Variants in BTF3 observed in about 807,000 individuals in gnomAD.
The protein encoded by BTF3 is transcription factor BTF3.
In BTF3, 12 loss-of-function variants were observed where a neutral mutation model predicts 23.9. The observed-to-expected ratio is 0.50, with a 90% confidence interval of 0.32 to 0.81. BTF3 has a LOEUF of 0.81. BTF3 is among the 40% of genes least tolerant of loss of function. The pLI is 0.03. For missense variants in BTF3, 215 were observed against 255.9 expected (o/e 0.84, Z 1.09); for synonymous variants, 96 against 94.8 (o/e 1.01, Z -0.07).
rs1241551421 is a variant in BTF3 at position 73,504,516 on chromosome 5, TCTTA to T, written c.574+118_574+121del. ...GGTGGTAAGTTAAGATGGACATAGA[TCTTA>T]CTTAGAATGAGAAAAATAATGCAGT... On this transcript the variant is annotated intron_variant, in intron 5 of 5. Coordinates refer to ENST00000380591, the MANE Select transcript of BTF3 (RefSeq NM_001037637.2). The T allele has an allele frequency of 8.9e-5, 65 of 727,670 alleles. No individual in the cohort carries two copies. In the African/African-American group the frequency reaches 9.7e-4, roughly 11 times the overall value. The allele number at this position is 727,670 out of a possible 1,614,324, so 45.1% of individuals were successfully genotyped here.
intron 4 of BTF3, 27 bp downstream of exon 4, chr5:73,503,144 A>G (rs931683221): frequency 1.9e-6 from 3 of 1,605,810 alleles, no homozygotes; most frequent in Middle Eastern, 1.9e-4. Flanking sequence ...TGGTTTTACC[A>G]GGGAATTACT....
Position 73,499,127 on chromosome 5 carries a change from T to C in BTF3, c.133-7T>C. ...CTATCCTTGCTGAGGATTTCCTCTTTTTCTAGATGAAAGAAACAATCATGA... is the reference window on the plus strand; with the variant it reads ...CTATCCTTGCTGAGGATTTCCTCTTCTTCTAGATGAAAGAAACAATCATGA... On this transcript the variant is annotated splice_polypyrimidine_tract_variant and splice_region_variant and intron_variant, in intron 1 of 5. Coordinates refer to ENST00000380591, the MANE Select transcript of BTF3 (RefSeq NM_001037637.2). 2 of 1,606,392 alleles carry C rather than the reference T, an allele frequency of 1.2e-6. No individual in the cohort carries two copies. The highest frequency in any genetic ancestry group is 1.7e-6 in the Non-Finnish European group (2 of 1,178,344).
intron 4 of BTF3, 47 bp from the exon 5 acceptor site, chr5:73,504,294 GTGAATA>G: frequency 5.3e-5 from 10 of 188,044 alleles, no homozygotes; most frequent in Non-Finnish European, 8.4e-5. Context: ...TTTTTTTTTG[GTGAATA>G]TTTATTAAAA....
intron 5 of BTF3, 172 bp downstream of exon 5, chr5:73,504,575 C>G: frequency 2.0e-6 from 1 of 488,956 alleles, no homozygotes; most frequent in Non-Finnish European, 3.6e-6. Context: ...TGTTTATAGA[C>G]TTGACTTGGC....
In BTF3 at chr5:73,499,227, T is replaced by TG. The variant is rs560519985; in HGVS notation, c.201+28dup. On this transcript the variant is annotated intron_variant, in intron 2 of 5. Transcript: ENST00000380591. Reference sequence around the variant, plus strand: ...AGTAAGTTTTAATAGTTCGGGTTTGTGGGTTTTTTTTTTAAGGTTTAGGTA... The same window carrying TG: ...AGTAAGTTTTAATAGTTCGGGTTTGTGGGGTTTTTTTTTTAAGGTTTAGGTA... The TG allele has an allele frequency of 1.6e-3, 2,522 of 1,599,044 alleles. 25 individuals carry two copies. In the African/African-American group the frequency reaches 0.033, roughly 21 times the overall value.
chr5:73,498,803 C>T lies in BTF3; in HGVS notation c.132+4C>T. On this transcript the variant is annotated splice_donor_region_variant and intron_variant, in intron 1 of 5. Coordinates refer to ENST00000380591, the MANE Select transcript of BTF3 (RefSeq NM_001037637.2). ...AACCCGAGGACAGGAGCCTCAGGTACCGCGAGGCTTGCGGAGAGTGGCCGG... is the reference window on the plus strand; with the variant it reads ...AACCCGAGGACAGGAGCCTCAGGTATCGCGAGGCTTGCGGAGAGTGGCCGG... 1 of 1,506,594 alleles carries T rather than the reference C, an allele frequency of 6.6e-7. No individual in the cohort carries two copies. Among genetic ancestry groups the T allele is most frequent in the Non-Finnish European group, 8.8e-7 (1 of 1,137,162 alleles). The allele number at this position is 1,506,594 out of a possible 1,614,324, so 93.3% of individuals were successfully genotyped here. A position where few individuals can be genotyped will look rare whatever the true frequency, so the allele number is the denominator to read the frequency against.
intron 3 of BTF3, 95 bp from the exon 4 acceptor site, chr5:73,502,821 G>A (rs1010156541): frequency 3.7e-5 from 48 of 1,309,306 alleles, no homozygotes; most frequent in Non-Finnish European, 4.7e-5. Context: ...GTGCTTCACA[G>A]TGAAATACTA....
rs1746530762 is a variant in BTF3, at chr5:73,505,289, A to C, written c.*51A>C. ...CCTGAAGAAGTTACTGGGAGCTGCTATTTTATATTATGACTGCTTTTTAAG... is the reference window on the plus strand; with the variant it reads ...CCTGAAGAAGTTACTGGGAGCTGCTCTTTTATATTATGACTGCTTTTTAAG... On this transcript the variant is annotated 3_prime_UTR_variant, in exon 6 of 6. Coordinates refer to ENST00000380591, the MANE Select transcript of BTF3 (RefSeq NM_001037637.2). 1 of 1,513,596 alleles carries C rather than the reference A, an allele frequency of 6.6e-7. No individual in the cohort carries two copies. The highest frequency in any genetic ancestry group is 1.4e-5 in the African/African-American group (1 of 71,528). 93.8% of individuals were successfully genotyped at this position (1,513,596 alleles called of 1,614,324 possible). A position where few individuals can be genotyped will look rare whatever the true frequency, so the allele number is the denominator to read the frequency against.
At chr5:73,502,375 A>T in intron 2 of BTF3, 113 bp from the exon 3 acceptor site, 1 of 689,304 alleles carries the variant, frequency 1.5e-6, no homozygotes, top group Non-Finnish European at 2.3e-6. Flanking sequence ...TGATTATGGT[A>T]ATGTTCTTAT....
intron 2 of BTF3, among the ~76,000 whole-genome samples, chr5:73,501,071 G>A (rs1746423667): frequency 6.6e-6 from 1 of 152,036 alleles, no homozygotes; most frequent in African/African-American, 2.4e-5. Flanking sequence ...TAGCAGTGGC[G>A]ATAATTGTCT....
At chr5:73,505,128 A>C (rs1746526778) in intron 5 of BTF3, 64 bp from the exon 6 acceptor site, 1 of 1,315,228 alleles carries the variant, frequency 7.6e-7, no homozygotes, top group South Asian at 1.2e-5. Flanking sequence ...ATCCCCTTTT[A>C]ATATCTGATA....
chr5:73,503,807 C>A (rs1424499299), intron 4 of BTF3, among the ~76,000 whole-genome samples: 2 of 152,128 alleles, frequency 1.3e-5, no homozygotes, highest in African/African-American at 4.8e-5. Context: ...TTGAAGTATC[C>A]CACTGATGCC....
Position 73,503,067 on chromosome 5 carries a change from C to T in BTF3, c.467C>T (p.Ala156Val), listed in dbSNP as rs372460087. 46 of 1,613,904 alleles carry T rather than the reference C, an allele frequency of 2.9e-5. No homozygotes were observed. The highest frequency in any genetic ancestry group is 8.3e-5 in the Admixed American group (5 of 59,994). Residue 156 changes from alanine (A) to valine (V), a missense_variant, in exon 4 of 6, where the codon GCG (alanine) becomes GTG (valine). Ala to Val is a moderately conservative substitution (Grantham distance 64). Around this residue, in one of 2 missense-constraint regions of BTF3, gnomAD observed 99 missense variants for 171.2 expected, o/e 0.58. Coordinates refer to ENST00000380591, the MANE Select transcript of BTF3 (RefSeq NM_001037637.2). ...MLPSILNQLGADSLTSLRRLA... is the reference protein window; with the variant it reads ...MLPSILNQLGVDSLTSLRRLA... ...CCCAGCATCTTAAACCAGCTTGGTGCGGATAGTCTGACTAGTTTAAGGAGA... is the reference window on the plus strand; with the variant it reads ...CCCAGCATCTTAAACCAGCTTGGTGTGGATAGTCTGACTAGTTTAAGGAGA...
At chr5:73,503,196 A>T in intron 4 of BTF3, 79 bp downstream of exon 4, 1 of 1,437,452 alleles carries the variant, frequency 7.0e-7, no homozygotes, top group Non-Finnish European at 9.6e-7. Flanking sequence ...CAGAATGGAT[A>T]TGAGTATTTT....
chr5:73,499,041 G>T, intron 1 of BTF3, 93 bp from the exon 2 acceptor site: 1 of 1,396,636 alleles, frequency 7.2e-7, no homozygotes. Flanking sequence ...TGTGTAGGAC[G>T]TTTATTTTCC....
At chr5:73,499,332 G>C in intron 2 of BTF3, 130 bp downstream of exon 2, 1 of 1,014,808 alleles carries the variant, frequency 9.9e-7, no homozygotes, top group Non-Finnish European at 1.5e-6. Context: ...CACGGAGCTA[G>C]CAAATCTCGA....
chr5:73,504,443 C>A, intron 5 of BTF3, 40 bp downstream of exon 5: 1 of 1,534,728 alleles, frequency 6.5e-7, no homozygotes, highest in Non-Finnish European at 8.9e-7. Context: ...AGAATCTTAG[C>A]AAGGGAGAAT....
intron 5 of BTF3, 138 bp from the exon 6 acceptor site, chr5:73,505,054 C>A: frequency 2.6e-6 from 1 of 384,338 alleles, no homozygotes; most frequent in Non-Finnish European, 4.1e-6. Flanking sequence ...TTTTTTTTTG[C>A]ATTCTTGTTC....
chr5:73,505,493 G>A lies in BTF3; in HGVS notation c.*255G>A. The A allele has an allele frequency of 2.8e-6, 1 of 358,856 alleles. No homozygotes were observed. Among genetic ancestry groups the A allele is most frequent in the Non-Finnish European group, 5.0e-6 (1 of 200,562 alleles). 22.2% of individuals were successfully genotyped at this position (358,856 alleles called of 1,614,324 possible). On this transcript the variant is annotated 3_prime_UTR_variant, in exon 6 of 6. Transcript: ENST00000380591. ...AAAGATTAATAAAGTTCTTTGCCTA[G>A]TATACAGTTTTATTTTTTTATTTCA...
Sources: gnomAD v4.1 joint callset for allele counts (sites outside exome capture counted in the v4.1 genomes callset) on GRCh38, gnomAD v4.1.1 for gene constraint, gnomAD v4.1.1 regional missense constraint, MANE v1.5 for transcripts, NCBI Gene and HGNC (gene_info 2026-07-23, HGNC 2026-07-21) for gene names.